PDZD2: variants seen among roughly 807,000 people sequenced by gnomAD.
PDZD2 encodes PDZ domain-containing protein 2.
In PDZD2, 90 loss-of-function variants were observed where a neutral mutation model predicts 220.7. The ratio of observed to expected loss-of-function variants is 0.41; its 90% CI spans 0.34 to 0.49. The LOEUF is 0.49. PDZD2 is among the 20% of genes least tolerant of loss of function. PDZD2 has a pLI of 0.28. For missense variants in PDZD2, 3,174 were observed against 3,608.5 expected, an observed-to-expected ratio of 0.88 and a Z score of 3.08; for synonymous variants, 1,375 against 1,450.5, an observed-to-expected ratio of 0.95 and a Z score of 1.18.
Position 32,089,421 on chromosome 5 carries a change from T to G in PDZD2, c.5973T>G (p.Pro1991=). ...TCTCGCCCCTGACCTCTCCCAAGCC[T>G]GTTCCTGAGCAAGGCATGTGGAGCA... The part of the protein sequence containing the change: ...TFVSPLTSPK[P]VPEQGMWSRF... Residue 1991 remains proline (P), a synonymous_variant, in exon 20 of 25, where the codon CCT becomes CCG. Coordinates refer to ENST00000438447, the MANE Select transcript of PDZD2 (RefSeq NM_178140.4). 7 of 1,614,106 alleles carry G rather than the reference T, an allele frequency of 4.3e-6. No homozygotes were observed. Among genetic ancestry groups the G allele is most frequent in the Non-Finnish European group, 5.9e-6 (7 of 1,180,036 alleles).
intron 8 of PDZD2, among the ~76,000 whole-genome samples, chr5:32,051,902 C>T (rs758637156): frequency 5.9e-5 from 9 of 152,106 alleles, no homozygotes; most frequent in Admixed American, 2.6e-4. Context: ...CTTAAAATGG[C>T]AAGATACTTT....
At chr5:32,017,749 T>G (rs1328053599) in intron 6 of PDZD2, among the ~76,000 whole-genome samples, 1 of 152,206 alleles carries the variant, frequency 6.6e-6, no homozygotes, top group Non-Finnish European at 1.5e-5. Context: ...CTTGGTTTTT[T>G]AATGAATCAG....
At chr5:31,967,214 A>G (rs1467574031) in intron 2 of PDZD2, among the ~76,000 whole-genome samples, 1 of 152,138 alleles carries the variant, frequency 6.6e-6, no homozygotes, top group Non-Finnish European at 1.5e-5. Flanking sequence ...TCCACTTGAA[A>G]GGGAAGGGAA....
intron 1 of PDZD2, among the ~76,000 whole-genome samples, chr5:31,788,582 C>T (rs933542818): frequency 2.0e-5 from 3 of 151,372 alleles, no homozygotes; most frequent in Admixed American, 6.6e-5. Flanking sequence ...AGGAGAATGG[C>T]GTGAACCTGG....
At chr5:31,870,453 T>TA (rs1426388242) in intron 2 of PDZD2, among the ~76,000 whole-genome samples, 1 of 152,232 alleles carries the variant, frequency 6.6e-6, no homozygotes, top group Non-Finnish European at 1.5e-5. Flanking sequence ...TTGGATGCTT[T>TA]AGAGGTCAGC....
At chr5:31,958,137 G>A (rs1319068651) in intron 2 of PDZD2, among the ~76,000 whole-genome samples, 1 of 152,194 alleles carries the variant, frequency 6.6e-6, no homozygotes, top group Non-Finnish European at 1.5e-5. Context: ...ATATGTTTAA[G>A]TGATATATAT....
chr5:32,108,690 A>G lies in PDZD2; in HGVS notation c.*555A>G. On this transcript the variant is annotated 3_prime_UTR_variant, in exon 25 of 25. Coordinates refer to ENST00000438447, the MANE Select transcript of PDZD2 (RefSeq NM_178140.4). ...TAAGACTTACTTAAAAAAATGAATT[A>G]TGACCTGTTAGGCTGAGCTCAGGAA... is the stretch of plus-strand genomic sequence containing the variant. 1 of 152,830 alleles carries G rather than the reference A, an allele frequency of 6.5e-6. No homozygotes were observed. The allele number at this position is 152,830 out of a possible 1,614,324, so 9.5% of individuals were successfully genotyped here. A position where few individuals can be genotyped will look rare whatever the true frequency, so the allele number is the denominator to read the frequency against.
In PDZD2 at chr5:31,732,356, C is replaced by T. The variant is rs150815448; in HGVS notation, c.-360-66533C>T. 4.3e-3 allele frequency among the ~76,000 whole-genome samples: 653 copies of T among 152,306 alleles called. 3 individuals are homozygous for T. The highest frequency in any genetic ancestry group is 0.015 in the African/African-American group (610 of 41,570). The stretch of plus-strand genomic sequence containing the variant: ...AATGATGTCATCTCTTTGTCCTATC[C>T]ATGAGCTTTTTGCAGGTTTGCTAGC... On this transcript the variant is annotated intron_variant, in intron 1 of 24. Coordinates refer to ENST00000438447, the MANE Select transcript of PDZD2 (RefSeq NM_178140.4).
At chr5:32,091,951 A>G (rs1319629592) in intron 20 of PDZD2, among the ~76,000 whole-genome samples, 1 of 152,174 alleles carries the variant, frequency 6.6e-6, no homozygotes, top group Non-Finnish European at 1.5e-5. Flanking sequence ...GGCTGGAGTT[A>G]AACGGAGAAT....
chr5:31,907,949 G>T lies in PDZD2; in HGVS notation c.477-75206G>T, dbSNP rs1186566683. Among the ~76,000 whole-genome samples, 6 of 152,078 alleles carry T rather than the reference G, an allele frequency of 3.9e-5. No individual in the cohort carries two copies. The East Asian group carries it at 1.2e-3, about 29-fold the overall frequency. On this transcript the variant is annotated intron_variant, in intron 2 of 24. Coordinates refer to ENST00000438447, the MANE Select transcript of PDZD2 (RefSeq NM_178140.4). The stretch of plus-strand genomic sequence containing the variant: ...AATACAAAAATTAGCCAGGCATGGT[G>T]GTGGATGCCTGTAATCCCAGCTACT...
chr5:31,757,660 G>A (rs1751376582), intron 1 of PDZD2, among the ~76,000 whole-genome samples: 3 of 152,016 alleles, frequency 2.0e-5, no homozygotes, highest in African/African-American at 4.8e-5. Flanking sequence ...CTGAGGTGAC[G>A]CTGGCTAATT....
intron 2 of PDZD2, among the ~76,000 whole-genome samples, chr5:31,914,169 G>A (rs1743460989): frequency 6.6e-6 from 1 of 152,234 alleles, no homozygotes; most frequent in Non-Finnish European, 1.5e-5. Context: ...TTAAAACTTG[G>A]AGGTTTTTTC....
intron 2 of PDZD2, among the ~76,000 whole-genome samples, chr5:31,937,769 T>C (rs999286180): frequency 6.6e-6 from 1 of 152,218 alleles, no homozygotes; most frequent in African/African-American, 2.4e-5. Context: ...GTTCACCTGT[T>C]GTGTGTGTCC....
chr5:31,727,738 T>TC (rs1749251437), intron 1 of PDZD2, among the ~76,000 whole-genome samples: 2 of 58,106 alleles, frequency 3.4e-5, no homozygotes, highest in Non-Finnish European at 3.4e-5. Flanking sequence ...GCGCGGTGGC[T>TC]TCACCTGTAA....
At chr5:32,063,328 C>T (rs112274255) in intron 14 of PDZD2, among the ~76,000 whole-genome samples, 86 of 152,248 alleles carry the variant, frequency 5.6e-4, no homozygotes, top group African/African-American at 1.9e-3. Context: ...GCCACCACGC[C>T]CGGTCTGAGA....
At chr5:31,758,441 G>A (rs945182992) in intron 1 of PDZD2, among the ~76,000 whole-genome samples, 2 of 152,198 alleles carry the variant, frequency 1.3e-5, no homozygotes, top group Non-Finnish European at 2.9e-5. Context: ...GGACCACAAA[G>A]GAGCACGTCC....
chr5:31,790,725 G>A (rs1219747811), intron 1 of PDZD2, among the ~76,000 whole-genome samples: 2 of 118,446 alleles, frequency 1.7e-5, no homozygotes, highest in African/African-American at 6.3e-5. Context: ...TTGAGACAGA[G>A]TCTCGCTCTT....
chr5:31,875,547 C>T (rs889589875), intron 2 of PDZD2, among the ~76,000 whole-genome samples: 15 of 149,376 alleles, frequency 1.0e-4, no homozygotes, highest in Admixed American at 8.1e-4. Flanking sequence ...GATCACACTA[C>T]TGCACTCCAG....
intron 3 of PDZD2, among the ~76,000 whole-genome samples, chr5:31,990,520 T>G (rs948733747): frequency 6.6e-6 from 1 of 152,132 alleles, no homozygotes; most frequent in African/African-American, 2.4e-5. Context: ...CAGAACTCGG[T>G]CTCTCCAACT....
Sources: allele counts gnomAD v4.1 joint callset (sites outside exome capture counted in the v4.1 genomes callset), GRCh38; gene constraint gnomAD v4.1.1; transcripts MANE v1.5; gene names NCBI Gene and HGNC (gene_info 2026-07-23, HGNC 2026-07-21).